SPTB: variants seen among roughly 807,000 people sequenced by gnomAD.
The protein encoded by SPTB is spectrin beta, erythrocytic.
Under a neutral mutation model 256.2 loss-of-function variants are expected in SPTB, and 45 were observed. The ratio of observed to expected loss-of-function variants is 0.18; its 90% CI spans 0.14 to 0.23. SPTB has a LOEUF of 0.23. SPTB is among the 10% of genes least tolerant of loss of function. The pLI is 1.00. For synonymous variants in SPTB, 1,231 were observed against 1,243.1 expected (o/e 0.99, Z 0.21); for missense variants, 2,715 against 3,040.4 (o/e 0.89, Z 2.52).
At chr14:64,767,461 T>C (rs2082204294) in intron 30 of SPTB, 109 bp from the exon 31 acceptor site, 1 of 1,486,410 alleles carries the variant, frequency 6.7e-7, no homozygotes, top group African/African-American at 1.4e-5. Flanking sequence ...CTGACACTTG[T>C]TCCTTCTAGA....
intron 29 of SPTB, among the ~76,000 whole-genome samples, chr14:64,768,382 C>T (rs1224708245): frequency 6.6e-6 from 1 of 152,210 alleles, no homozygotes; most frequent in Non-Finnish European, 1.5e-5. Flanking sequence ...CTAATTAGAA[C>T]TCTATTTTGA....
rs988378073 is a variant in SPTB at position 64,749,850 on chromosome 14, C to A, written c.6776+131G>T. The A allele has an allele frequency of 6.7e-7, 1 of 1,494,068 alleles. No individual in the cohort carries two copies. Among genetic ancestry groups the A allele is most frequent in the African/African-American group, 1.4e-5 (1 of 72,118 alleles). 92.6% of individuals were successfully genotyped at this position (1,494,068 alleles called of 1,614,324 possible). A position where few individuals can be genotyped will look rare whatever the true frequency, so the allele number is the denominator to read the frequency against. ...GAGAGGTCAAAGTCTGGACCATCAG[C>A]CTCTTTGATTTGAAAAACCCCTGAG... On this transcript the variant is annotated intron_variant, in intron 34 of 35. Transcript: ENST00000644917. This position sits in a 1 kb window ranked among gnomAD's most constrained non-coding sequence, Gnocchi z 4.7.
chr14:64,761,931 G>A (rs2082102131), intron 32 of SPTB, among the ~76,000 whole-genome samples: 2 of 152,160 alleles, frequency 1.3e-5, no homozygotes, highest in Admixed American at 1.3e-4. Flanking sequence ...GTCTCATCCT[G>A]AGGCCATCAG....
chr14:64,781,321 A>T (rs866212243), intron 20 of SPTB, among the ~76,000 whole-genome samples: 8 of 152,234 alleles, frequency 5.3e-5, no homozygotes, highest in African/African-American at 1.9e-4. Flanking sequence ...GCAAACTATG[A>T]ATCTGACAAG....
chr14:64,876,505 G>T (rs1882832067), intron 1 of SPTB, among the ~76,000 whole-genome samples: 2 of 152,086 alleles, frequency 1.3e-5, no homozygotes, highest in Admixed American at 1.3e-4. Flanking sequence ...AGAACAATTT[G>T]GTGATTGGGT....
Position 64,775,295 on chromosome 14 carries a change from GCTC to G in SPTB, c.4669_4671del (p.Glu1557del). On this transcript the variant is annotated inframe_deletion, in exon 23 of 36. Transcript: ENST00000644917. This position sits in a 1 kb window ranked among gnomAD's most constrained non-coding sequence, Gnocchi z 5.0. ...CAGGAGCTCTGCAGGTGCCCCAGGC[GCTC>G]CTCAAGGTCCTGGCAGTCGATCTCC... The G allele has an allele frequency of 6.2e-7, 1 of 1,613,206 alleles. No individual in the cohort carries two copies. The highest frequency in any genetic ancestry group is 1.1e-5 in the South Asian group (1 of 91,024).
intron 10 of SPTB, 83 bp downstream of exon 10, chr14:64,797,646 T>C: frequency 1.8e-6 from 2 of 1,128,332 alleles, no homozygotes; most frequent in South Asian, 2.5e-5. Flanking sequence ...CTTGGTTTAA[T>C]CTGGTCCAAT....
At chr14:64,871,229 G>A (rs929866709) in intron 1 of SPTB, among the ~76,000 whole-genome samples, 6 of 152,270 alleles carry the variant, frequency 3.9e-5, no homozygotes, top group East Asian at 1.9e-4. Context: ...GAGTGTTCCA[G>A]GACGAAGACA....
intron 15 of SPTB, 78 bp downstream of exon 15, chr14:64,791,641 A>C: frequency 6.4e-7 from 1 of 1,559,658 alleles, no homozygotes; most frequent in Non-Finnish European, 8.8e-7. Flanking sequence ...AGGTGGACTA[A>C]ATTTTGGGCC....
chr14:64,823,230 G>C lies in SPTB; in HGVS notation c.-51-85C>G. The C allele has an allele frequency of 9.9e-7, 1 of 1,014,080 alleles. No homozygotes were observed. The highest frequency in any genetic ancestry group is 1.5e-6 in the Non-Finnish European group (1 of 661,604). The allele number at this position is 1,014,080 out of a possible 1,614,324, so 62.8% of individuals were successfully genotyped here. On this transcript the variant is annotated intron_variant, in intron 1 of 35. Coordinates refer to ENST00000644917, the MANE Select transcript of SPTB (RefSeq NM_001355436.2). The surrounding 1 kb of genome is among the most constrained non-coding windows in gnomAD (Gnocchi z 6.5). The stretch of plus-strand genomic sequence containing the variant: ...GGGAAACTTATTCGGAGCATCCAAC[G>C]TGAGTAGATCCTGACAGAAGCAGAA...
At chr14:64,862,234 A>G (rs1220940294) in intron 1 of SPTB, among the ~76,000 whole-genome samples, 1 of 152,132 alleles carries the variant, frequency 6.6e-6, no homozygotes, top group African/African-American at 2.4e-5. Flanking sequence ...TAGCAACAGC[A>G]ACCTCCTAGA....
At chr14:64,750,182 C>A in intron 33 of SPTB, 28 bp from the exon 34 acceptor site, 1 of 1,606,560 alleles carries the variant, frequency 6.2e-7, no homozygotes, top group Non-Finnish European at 8.5e-7. Context: ...GGCAGGTCAC[C>A]CACATCCTGA....
At chr14:64,809,982 AT>A (rs1316388139) in intron 2 of SPTB, among the ~76,000 whole-genome samples, 1 of 152,216 alleles carries the variant, frequency 6.6e-6, no homozygotes, top group African/African-American at 2.4e-5. Flanking sequence ...AAATTATACA[AT>A]TTGAATTTGT....
At chr14:64,822,888 G>C in intron 2 of SPTB, 59 bp downstream of exon 2, 2 of 1,606,396 alleles carry the variant, frequency 1.2e-6, no homozygotes, top group Admixed American at 3.3e-5. Flanking sequence ...TAGGTGGGGA[G>C]GGCTGTGAAC....
chr14:64,797,897 A>T (rs2082807391), intron 9 of SPTB, 51 bp from the exon 10 acceptor site: 1 of 1,428,500 alleles, frequency 7.0e-7, no homozygotes, highest in Non-Finnish European at 9.9e-7. Context: ...TCATGGCCAA[A>T]TTTTTTTGCT....
chr14:64,785,896 C>T lies in SPTB; in HGVS notation c.3617G>A (p.Gly1206Glu), dbSNP rs2082557331. The change falls in exon 17 of 36, where the codon GGG becomes GAG. Residue 1206 changes from glycine (G) to glutamate (E), a missense_variant. By Grantham distance (98) the Gly-to-Glu change is moderately conservative (BLOSUM62 -2). This residue lies in a region of SPTB where 2,239 missense variants were observed against 2,384.4 expected (regional missense o/e 0.94). Coordinates refer to ENST00000644917, the MANE Select transcript of SPTB (RefSeq NM_001355436.2). The surrounding 1 kb of genome is among the most constrained non-coding windows in gnomAD (Gnocchi z 4.4). ...PPDSLEAAEA[G>E]IRKFEDFLGS... ...CAAGAAATCCTCAAACTTCCGGATC[C>T]CAGCCTCTGCAGCTTCCAGGGAGTC... 6.2e-7 allele frequency: 1 copy of T among 1,613,962 alleles called. No individual in the cohort carries two copies. Among genetic ancestry groups the T allele is most frequent in the South Asian group, 1.1e-5 (1 of 91,080 alleles).
rs1282353823 is a variant in SPTB, at chr14:64,760,007, G to A, written c.6346-6214C>T. ...TGGCTGTGGGATCATGACATCAGAG[G>A]AGGGCAGGGGACAAGCAGCATTGGT... On this transcript the variant is annotated intron_variant, in intron 32 of 35. Transcript: ENST00000644917. The surrounding 1 kb of genome is among the most constrained non-coding windows in gnomAD (Gnocchi z 4.3). Among the ~76,000 whole-genome samples, 1 of 152,176 alleles carries A rather than the reference G, an allele frequency of 6.6e-6. No homozygotes were observed. Among genetic ancestry groups the A allele is most frequent in the South Asian group, 2.1e-4 (1 of 4,830 alleles).
intron 1 of SPTB, among the ~76,000 whole-genome samples, chr14:64,833,657 A>C (rs1028758343): frequency 1.3e-5 from 2 of 152,106 alleles, no homozygotes; most frequent in African/African-American, 4.8e-5. Context: ...GCTCATCTTC[A>C]TCAATGCACT....
rs762456267 is a variant in SPTB at position 64,785,653 on chromosome 14, C to T, written c.3765-26G>A. On this transcript the variant is annotated intron_variant, in intron 17 of 35. Transcript: ENST00000644917. The surrounding 1 kb of genome is among the most constrained non-coding windows in gnomAD (Gnocchi z 4.4). ...CTGGAAAGGAAGCCAAAAGCACAGTCACAATAGTGCCGAGCTTGGGGTCCT... is the reference window on the plus strand; with the variant it reads ...CTGGAAAGGAAGCCAAAAGCACAGTTACAATAGTGCCGAGCTTGGGGTCCT... 10 of 1,613,790 alleles carry T rather than the reference C, an allele frequency of 6.2e-6. No homozygotes were observed. The South Asian group carries it at 1.1e-4, about 18-fold the overall frequency.
Sources: allele counts gnomAD v4.1 joint callset (sites outside exome capture counted in the v4.1 genomes callset), GRCh38; gene constraint gnomAD v4.1.1; regional missense constraint gnomAD v4.1.1; non-coding constraint Gnocchi (gnomAD v3.1); transcripts MANE v1.5; gene names NCBI Gene and HGNC (gene_info 2026-07-23, HGNC 2026-07-21).